Variants in PHF14 observed in about 807,000 individuals in gnomAD.
The protein encoded by PHF14 is PHD finger protein 14.
PHF14 carries 55 observed loss-of-function variants against 117.9 expected under a neutral mutation model. The ratio of observed to expected loss-of-function variants is 0.47; its 90% CI spans 0.38 to 0.58. The LOEUF is 0.58. Among genes scored for constraint, PHF14 ranks in the 20% least tolerant of loss-of-function variants. The pLI is 0.00. For synonymous variants in PHF14, 409 were observed against 368.6 expected (o/e 1.11, Z -1.26); for missense variants, 978 against 1,122.2 (o/e 0.87, Z 1.84).
At chr7:11,000,051 T>C (rs576310218) in intron 4 of PHF14, among the ~76,000 whole-genome samples, 3 of 152,308 alleles carry the variant, frequency 2.0e-5, no homozygotes, top group Admixed American at 2.0e-4. Context: ...TGAATAGTCT[T>C]TGACCACTTT....
At position 11,103,089 on chromosome 7, in the gene PHF14, CATATT is replaced by C. The variant is rs1787144765; in HGVS notation, c.2655-8259_2655-8255del. ...CTGCATTGTAAAACAACTATAGACTCATATTAAATGTTATTTCTATTTATAATATT... is the reference window on the plus strand; with the variant it reads ...CTGCATTGTAAAACAACTATAGACTCAAATGTTATTTCTATTTATAATATT... On this transcript the variant is annotated intron_variant, in intron 16 of 17. Transcript: ENST00000634607. 3.1e-6 allele frequency: 3 copies of C among 968,982 alleles called. No individual in the cohort carries two copies. The South Asian group carries it at 1.4e-4, about 46-fold the overall frequency. 60.0% of individuals were successfully genotyped at this position (968,982 alleles called of 1,614,324 possible). A position where few individuals can be genotyped will look rare whatever the true frequency, so the allele number is the denominator to read the frequency against.
At chr7:11,012,746 G>A (rs1342117597) in intron 4 of PHF14, among the ~76,000 whole-genome samples, 10 of 152,142 alleles carry the variant, frequency 6.6e-5, no homozygotes, top group African/African-American at 1.2e-4. Context: ...AGTTTTGTGA[G>A]TGATAAGAGG....
At chr7:11,083,408 T>G (rs1309338632) in intron 16 of PHF14, among the ~76,000 whole-genome samples, 1 of 151,820 alleles carries the variant, frequency 6.6e-6, no homozygotes, top group African/African-American at 2.4e-5. Context: ...CCACCCCGTA[T>G]CATCGTGACT....
intron 16 of PHF14, among the ~76,000 whole-genome samples, chr7:11,074,563 G>C (rs1474805179): frequency 6.6e-6 from 1 of 152,134 alleles, no homozygotes; most frequent in South Asian, 2.1e-4. Flanking sequence ...TTCATAGGCT[G>C]TTATAAGCAG....
intron 4 of PHF14, among the ~76,000 whole-genome samples, chr7:11,010,640 A>G (rs1783320171): frequency 6.6e-6 from 1 of 152,038 alleles, no homozygotes; most frequent in Non-Finnish European, 1.5e-5. Context: ...ATATACATAT[A>G]TATATACACA....
chr7:11,068,211 C>G (rs1054329253), intron 16 of PHF14, among the ~76,000 whole-genome samples: 2 of 151,570 alleles, frequency 1.3e-5, no homozygotes, highest in Non-Finnish European at 2.9e-5. Flanking sequence ...ATTAGTCTGG[C>G]ATGGTGGTGG....
intron 5 of PHF14, among the ~76,000 whole-genome samples, chr7:11,018,260 G>T (rs564202754): frequency 6.6e-6 from 1 of 152,142 alleles, no homozygotes; most frequent in Admixed American, 6.5e-5. Context: ...TACATTTTAG[G>T]ATTATTTTTT....
chr7:11,150,727 T>C (rs1788678299), intron 17 of PHF14, among the ~76,000 whole-genome samples: 1 of 152,200 alleles, frequency 6.6e-6, no homozygotes, highest in African/African-American at 2.4e-5. Flanking sequence ...TTTATTGTGC[T>C]GTTTGTGGTG....
intron 14 of PHF14, among the ~76,000 whole-genome samples, chr7:11,055,424 G>C (rs1011989318): frequency 1.3e-5 from 2 of 152,016 alleles, no homozygotes; most frequent in Non-Finnish European, 2.9e-5. Context: ...TTACACACAC[G>C]CATGCATCAT....
intron 17 of PHF14, among the ~76,000 whole-genome samples, chr7:11,122,352 TACACACACACACACACACACACACACAC>T (rs747467173): frequency 3.0e-5 from 2 of 65,858 alleles, no homozygotes; most frequent in African/African-American, 7.3e-5. Context: ...TATATATATA[TACACACACACACACACACACACACACAC>T]ACACATACAT....
At chr7:11,044,607 C>T in intron 13 of PHF14, among the ~76,000 whole-genome samples, 1 of 151,986 alleles carries the variant, frequency 6.6e-6, no homozygotes, top group South Asian at 2.1e-4. Context: ...CTTTAGTGTA[C>T]CTCAAATGTG....
At chr7:11,105,630 C>A in intron 16 of PHF14, 1 of 984,624 alleles carries the variant, frequency 1.0e-6, no homozygotes, top group Non-Finnish European at 1.2e-6. Context: ...CTGTCTGAAT[C>A]AGCACTTTGT....
chr7:11,137,566 C>A (rs1051527508), intron 17 of PHF14, among the ~76,000 whole-genome samples: 1 of 142,158 alleles, frequency 7.0e-6, no homozygotes, highest in Non-Finnish European at 1.5e-5. Flanking sequence ...ACATTAATCA[C>A]TTTTACATTT....
In PHF14 at chr7:11,119,554, A is replaced by G. The variant is rs536830248; in HGVS notation, c.2772+8087A>G. Among the ~76,000 whole-genome samples the G allele has an allele frequency of 3.3e-5, 5 of 151,986 alleles. No homozygotes were observed. The South Asian group carries it at 1.0e-3, about 31-fold the overall frequency. On this transcript the variant is annotated intron_variant, in intron 17 of 17. Transcript: ENST00000634607. ...TTAAACTATTCTCACAATTGTGAAA[A>G]TATCGCCTAAATAATAGAAAAGGCT...
At chr7:11,061,729 T>G in intron 14 of PHF14, 62 bp from the exon 15 acceptor site, 1 of 1,208,986 alleles carries the variant, frequency 8.3e-7, no homozygotes, top group East Asian at 2.7e-5. Context: ...TATTTATTAT[T>G]AATTAAACAT....
intron 1 of PHF14, 86 bp from the exon 2 acceptor site, chr7:10,974,749 G>A: frequency 1.4e-6 from 1 of 720,054 alleles, no homozygotes; most frequent in Non-Finnish European, 2.3e-6. Flanking sequence ...CTTGTGCGAG[G>A]TCATCTTTAT....
At chr7:11,100,129 C>T (rs1318982897) in intron 16 of PHF14, among the ~76,000 whole-genome samples, 1 of 151,918 alleles carries the variant, frequency 6.6e-6, no homozygotes, top group Middle Eastern at 3.2e-3. Context: ...ATCTGTTACT[C>T]CTGTATCAAG....
intron 4 of PHF14, among the ~76,000 whole-genome samples, chr7:11,009,938 A>T (rs1205853821): frequency 6.6e-6 from 1 of 152,166 alleles, no homozygotes; most frequent in Admixed American, 6.5e-5. Context: ...CACGTTTGCT[A>T]TGTGTGTGGA....
chr7:11,022,369 C>T (rs1456615512), intron 5 of PHF14, among the ~76,000 whole-genome samples: 1 of 151,976 alleles, frequency 6.6e-6, no homozygotes, highest in Admixed American at 6.6e-5. Context: ...TAAAATATGT[C>T]CTTAAAGATT....
Sources: allele counts gnomAD v4.1 joint callset (sites outside exome capture counted in the v4.1 genomes callset), GRCh38; gene constraint gnomAD v4.1.1; transcripts MANE v1.5; gene names NCBI Gene and HGNC (gene_info 2026-07-23, HGNC 2026-07-21).